Variants in CARMIL1 observed in about 807,000 individuals in gnomAD.
The protein encoded by CARMIL1 is capping protein regulator and myosin 1 linker 1, also known as F-actin-uncapping protein LRRC16A.
A neutral mutation model predicts 177.1 loss-of-function variants in CARMIL1; 90 were observed. The observed-to-expected ratio is 0.51, with a 90% CI of 0.43 to 0.61. CARMIL1 has a LOEUF of 0.61. CARMIL1 is among the 20% of genes least tolerant of loss of function. The pLI, the probability that CARMIL1 is intolerant of heterozygous loss-of-function variation, is 0.00. For synonymous variants in CARMIL1, 577 were observed against 606.2 expected (o/e 0.95, Z 0.71); for missense variants, 1,380 against 1,667.0 (o/e 0.83, Z 3.00).
chr6:25,317,488 C>A (rs1437302059), intron 2 of CARMIL1, among the ~76,000 whole-genome samples: 1 of 139,902 alleles, frequency 7.1e-6, no homozygotes, highest in Non-Finnish European at 1.5e-5. Flanking sequence ...TTTCCATATT[C>A]TTTTCATCTT....
rs1175727815 is a variant in CARMIL1, at chr6:25,558,728, A to G, written c.2742+1878A>G. Among the ~76,000 whole-genome samples, 1 of 152,144 alleles carries G rather than the reference A, an allele frequency of 6.6e-6. No individual in the cohort carries two copies. The highest frequency in any genetic ancestry group is 1.9e-4 in the East Asian group (1 of 5,170). ...GGAGGGTAGACTTTATCTGGTTTAA[A>G]GGGCCAAGGAGGTAAGCAGGGAGGG... On this transcript the variant is annotated intron_variant, in intron 29 of 36. Transcript: ENST00000329474. This position sits in a 1 kb window ranked among gnomAD's most constrained non-coding sequence, Gnocchi z 4.1.
intron 8 of CARMIL1, among the ~76,000 whole-genome samples, chr6:25,459,227 T>A: frequency 1.2e-5 from 1 of 82,682 alleles, no homozygotes; most frequent in Non-Finnish European, 2.4e-5. Flanking sequence ...TCTTTCTTTC[T>A]TTCTTTCTTT....
rs1165932564 is a variant in CARMIL1 at position 25,450,755 on chromosome 6, C to T, written c.614+44C>T. ...TCTTTCCTCCTTTCCTCCCTCCCTT[C>T]CTCCCTCCCTTCCTCCCTCCCCTCC... is the stretch of plus-strand genomic sequence containing the variant. On this transcript the variant is annotated intron_variant, in intron 8 of 36. Coordinates refer to ENST00000329474, the MANE Select transcript of CARMIL1 (RefSeq NM_017640.6). 4 of 466,906 alleles carry T rather than the reference C, an allele frequency of 8.6e-6. No homozygotes were observed. The African/African-American group carries it at 2.1e-4, about 25-fold the overall frequency. 28.9% of individuals were successfully genotyped at this position (466,906 alleles called of 1,614,324 possible). A position where few individuals can be genotyped will look rare whatever the true frequency, so the allele number is the denominator to read the frequency against.
At chr6:25,379,575 G>T (rs1927694) in intron 2 of CARMIL1, among the ~76,000 whole-genome samples, 1 of 152,164 alleles carries the variant, frequency 6.6e-6, no homozygotes, top group African/African-American at 2.4e-5. Context: ...AGGTAGTCAG[G>T]CTGTGTGTCT....
chr6:25,406,450 TGGG>T lies in CARMIL1; in HGVS notation c.139-13663_139-13661del, dbSNP rs561960672. Among the ~76,000 whole-genome samples the T allele has an allele frequency of 7.3e-3, 1,115 of 152,230 alleles. 10 individuals are homozygous for T. Among genetic ancestry groups the T allele is most frequent in the African/African-American group, 0.025 (1,039 of 41,520 alleles). On this transcript the variant is annotated intron_variant, in intron 2 of 36. Coordinates refer to ENST00000329474, the MANE Select transcript of CARMIL1 (RefSeq NM_017640.6). Reference sequence around the variant, plus strand: ...AGCAGAGAAGGGACATAATAATGTTTGGGTTCTTAAAAGATCACGTTCAGATCC... The same window carrying T: ...AGCAGAGAAGGGACATAATAATGTTTTTCTTAAAAGATCACGTTCAGATCC...
At position 25,408,237 on chromosome 6, in the gene CARMIL1, G is replaced by A. The variant is rs560563117; in HGVS notation, c.139-11877G>A. 2.7e-5 allele frequency among the ~76,000 whole-genome samples: 4 copies of A among 149,012 alleles called. No individual in the cohort carries two copies. The South Asian group carries it at 6.4e-4, about 24-fold the overall frequency. On this transcript the variant is annotated intron_variant, in intron 2 of 36. Coordinates refer to ENST00000329474, the MANE Select transcript of CARMIL1 (RefSeq NM_017640.6). ...TGGGAGGTCAAGGCTGCAGTGAGCC[G>A]AGATTGCACCACTGCACTCCAGCCC... is the stretch of plus-strand genomic sequence containing the variant.
At chr6:25,555,647 T>A (rs1296586121) in intron 28 of CARMIL1, among the ~76,000 whole-genome samples, 2 of 152,172 alleles carry the variant, frequency 1.3e-5, no homozygotes, top group African/African-American at 2.4e-5. Flanking sequence ...TCCACCTGCC[T>A]CAGCCTCCCA....
At position 25,392,646 on chromosome 6, in the gene CARMIL1, A is replaced by G. The variant is rs541224785; in HGVS notation, c.139-27468A>G. 6.5e-4 allele frequency among the ~76,000 whole-genome samples: 99 copies of G among 152,270 alleles called. 1 individual carries two copies. Among genetic ancestry groups the G allele is most frequent in the African/African-American group, 2.3e-3 (97 of 41,544 alleles). On this transcript the variant is annotated intron_variant, in intron 2 of 36. Transcript: ENST00000329474. ...AACATTTCGCCTTTCATGTGAATGGATGTCATGCTAGATACATTTGGAAAA... is the reference window on the plus strand; with the variant it reads ...AACATTTCGCCTTTCATGTGAATGGGTGTCATGCTAGATACATTTGGAAAA...
chr6:25,420,140 T>G lies in CARMIL1; in HGVS notation c.165T>G (p.Leu55=). The change falls in exon 3 of 37, where the codon CTT becomes CTG. Residue 55 remains leucine (L), a synonymous_variant. Coordinates refer to ENST00000329474, the MANE Select transcript of CARMIL1 (RefSeq NM_017640.6). ...VLVLTSCRAF[L]VTARIPTKLE... ...TCCTTACATCATGCCGAGCCTTCCT[T>G]GTAACAGCGCGAATCCCCACCAAGG... is the stretch of plus-strand genomic sequence containing the variant. 1 of 1,613,634 alleles carries G rather than the reference T, an allele frequency of 6.2e-7. No homozygotes were observed. Among genetic ancestry groups the G allele is most frequent in the Non-Finnish European group, 8.5e-7 (1 of 1,179,600 alleles).
chr6:25,560,199 A>G (rs1272786200), intron 29 of CARMIL1, among the ~76,000 whole-genome samples: 1 of 152,218 alleles, frequency 6.6e-6, no homozygotes, highest in Non-Finnish European at 1.5e-5. Flanking sequence ...TATAAAGTTA[A>G]AGAAAAAGGC....
intron 17 of CARMIL1, among the ~76,000 whole-genome samples, chr6:25,504,772 A>G (rs527838895): frequency 1.3e-5 from 2 of 152,300 alleles, no homozygotes; most frequent in South Asian, 4.2e-4. Context: ...GACTCAAAGT[A>G]GTTATGGGAG....
intron 2 of CARMIL1, among the ~76,000 whole-genome samples, chr6:25,315,627 A>G (rs919583112): frequency 6.6e-6 from 1 of 152,224 alleles, no homozygotes; most frequent in African/African-American, 2.4e-5. Flanking sequence ...CACCTCAGGT[A>G]ATCTCTTATT....
rs1241009441 is a variant in CARMIL1 at position 25,577,759 on chromosome 6, A to G, written c.2743-3165A>G. On this transcript the variant is annotated intron_variant, in intron 29 of 36. Transcript: ENST00000329474. The surrounding 1 kb of genome is among the most constrained non-coding windows in gnomAD (Gnocchi z 4.5). ...TGAGCTATGTGCAGAATAGTTTAAA[A>G]TTCATTAAAAAATTTGATCAAATGA... Among the ~76,000 whole-genome samples the G allele has an allele frequency of 2.0e-5, 1 of 49,582 alleles. No individual in the cohort carries two copies. The highest frequency in any genetic ancestry group is 3.8e-5 in the Non-Finnish European group (1 of 26,062). The allele number at this position is 49,582 out of a possible 152,430, so 32.5% of individuals were successfully genotyped here. A position where few individuals can be genotyped will look rare whatever the true frequency, so the allele number is the denominator to read the frequency against.
At chr6:25,428,213 T>C (rs549938182) in intron 4 of CARMIL1, among the ~76,000 whole-genome samples, 1 of 151,818 alleles carries the variant, frequency 6.6e-6, no homozygotes, top group South Asian at 2.1e-4. Flanking sequence ...TAGATCAAAA[T>C]TTTTTTTTAG....
At chr6:25,432,886 A>C (rs1796930767) in intron 4 of CARMIL1, 1 of 136,084 alleles carries the variant, frequency 7.3e-6, no homozygotes, top group Non-Finnish European at 1.6e-5. Context: ...ATCATACATA[A>C]GTTACTATGG....
At chr6:25,376,116 T>C (rs907699934) in intron 2 of CARMIL1, among the ~76,000 whole-genome samples, 1 of 152,218 alleles carries the variant, frequency 6.6e-6, no homozygotes, top group Non-Finnish European at 1.5e-5. Flanking sequence ...GTTTTGTTCT[T>C]GTCACCCAGG....
intron 2 of CARMIL1, among the ~76,000 whole-genome samples, chr6:25,363,973 G>A (rs146013533): frequency 1.5e-3 from 227 of 151,286 alleles, no homozygotes; most frequent in African/African-American, 5.2e-3. Flanking sequence ...ACAGGGTCTC[G>A]CTCTGTTGCC....
At chr6:25,374,207 C>T (rs753711513) in intron 2 of CARMIL1, among the ~76,000 whole-genome samples, 2 of 152,118 alleles carry the variant, frequency 1.3e-5, no homozygotes, top group African/African-American at 4.8e-5. Flanking sequence ...CTTGCTGTAT[C>T]CCAGAGGTTT....
At chr6:25,485,715 A>G (rs772991784) in intron 12 of CARMIL1, among the ~76,000 whole-genome samples, 1 of 152,242 alleles carries the variant, frequency 6.6e-6, no homozygotes, top group Non-Finnish European at 1.5e-5. Flanking sequence ...GATTACAGGC[A>G]TGAGCCACCA....
Sources: allele counts gnomAD v4.1 joint callset (sites outside exome capture counted in the v4.1 genomes callset), GRCh38; gene constraint gnomAD v4.1.1; non-coding constraint Gnocchi (gnomAD v3.1); transcripts MANE v1.5; gene names NCBI Gene and HGNC (gene_info 2026-07-23, HGNC 2026-07-21).